RPIA: variants seen among roughly 807,000 people sequenced by gnomAD.
RPIA encodes the protein ribose-5-phosphate isomerase.
In RPIA, 29 loss-of-function variants were observed where a neutral mutation model predicts 37.8. The ratio of observed to expected loss-of-function variants is 0.77; its 90% CI spans 0.57 to 1.05. The LOEUF is 1.05. Among genes scored for constraint, RPIA ranks in the 50% least tolerant of loss-of-function variants. The pLI, the probability that RPIA is intolerant of heterozygous loss-of-function variation, is 0.00. For synonymous variants in RPIA, 167 were observed against 157.0 expected, an observed-to-expected ratio of 1.06 and a Z score of -0.48; for missense variants, 385 against 413.6, an observed-to-expected ratio of 0.93 and a Z score of 0.60.
At chr2:88,705,760 G>A (rs1468435938) in intron 3 of RPIA, among the ~76,000 whole-genome samples, 1 of 152,166 alleles carries the variant, frequency 6.6e-6, no homozygotes, top group Non-Finnish European at 1.5e-5. Context: ...TATCATCAGA[G>A]TGAACAGACA....
intron 8 of RPIA, among the ~76,000 whole-genome samples, chr2:88,741,960 T>C (rs1673388346): frequency 6.6e-6 from 1 of 152,208 alleles, no homozygotes; most frequent in Non-Finnish European, 1.5e-5. Flanking sequence ...TTAGTCCTTT[T>C]TCAGTTGTAT....
At position 88,750,926 on chromosome 2, in the gene RPIA, GC is replaced by G. The variant is rs1673497996; in HGVS notation, c.*850del. On this transcript the variant is annotated 3_prime_UTR_variant, in exon 9 of 9. Coordinates refer to ENST00000283646, the MANE Select transcript of RPIA (RefSeq NM_144563.3). ...GCAGGTTTAAATAAAACAGTGTGGT[GC>G]CATTTTGACTCTTTTGTCTTTATTG... The G allele has an allele frequency of 2.6e-6, 1 of 391,490 alleles. No individual in the cohort carries two copies. The allele number at this position is 391,490 out of a possible 1,614,324, so 24.3% of individuals were successfully genotyped here. A position where few individuals can be genotyped will look rare whatever the true frequency, so the allele number is the denominator to read the frequency against.
chr2:88,735,718 A>G lies in RPIA; in HGVS notation c.577A>G (p.Ile193Val). ...TGTGGCTGGCTATGCTAGTCGCTTC[A>G]TCGTGATCGCTGATTTCAGGTACAG... ...KIVAGYASRF[I>V]VIADFRKDSK... The change falls in exon 6 of 9, where the codon ATC becomes GTC. Residue 193 changes from isoleucine (I) to valine (V), a missense_variant. Ile to Val is a conservative substitution (Grantham distance 29). Around this residue, in one of 2 missense-constraint regions of RPIA, gnomAD observed 153 missense variants for 210.6 expected, o/e 0.73. Coordinates refer to ENST00000283646, the MANE Select transcript of RPIA (RefSeq NM_144563.3). The G allele has an allele frequency of 6.2e-7, 1 of 1,614,034 alleles. No individual in the cohort carries two copies. Among genetic ancestry groups the G allele is most frequent in the Non-Finnish European group, 8.5e-7 (1 of 1,179,952 alleles).
rs936777621 is a variant in RPIA at position 88,722,141 on chromosome 2, T to C, written c.403-7137T>C. On this transcript the variant is annotated intron_variant, in intron 3 of 8. Transcript: ENST00000283646. ...TTTCTCATACAAAATTATTTCTCTT[T>C]AAGCTTTTTCACCAAAAAAACCCTT... Among the ~76,000 whole-genome samples the C allele has an allele frequency of 9.2e-5, 14 of 151,568 alleles. No individual in the cohort carries two copies. The South Asian group carries it at 2.7e-3, about 29-fold the overall frequency.
intron 3 of RPIA, among the ~76,000 whole-genome samples, chr2:88,723,184 G>C (rs1329365147): frequency 6.6e-6 from 1 of 152,136 alleles, no homozygotes; most frequent in African/African-American, 2.4e-5. Context: ...TGATCACCGA[G>C]TGCTCTAATG....
intron 8 of RPIA, among the ~76,000 whole-genome samples, chr2:88,741,475 T>C (rs1389767019): frequency 2.6e-5 from 4 of 152,234 alleles, no homozygotes; most frequent in Admixed American, 2.6e-4. Context: ...ACTCATTGGT[T>C]GATAGGCATT....
intron 3 of RPIA, among the ~76,000 whole-genome samples, chr2:88,726,948 A>T (rs1258231879): frequency 6.6e-6 from 1 of 152,192 alleles, no homozygotes; most frequent in African/African-American, 2.4e-5. Context: ...CATGTTGGTC[A>T]GACTGGTCTT....
intron 8 of RPIA, among the ~76,000 whole-genome samples, chr2:88,746,187 T>A (rs1346113906): frequency 6.6e-6 from 1 of 152,220 alleles, no homozygotes; most frequent in East Asian, 1.9e-4. Context: ...AAATTTTCTT[T>A]AAGTTGGTTT....
chr2:88,722,173 T>A lies in RPIA; in HGVS notation c.403-7105T>A, dbSNP rs550987652. On this transcript the variant is annotated intron_variant, in intron 3 of 8. Coordinates refer to ENST00000283646, the MANE Select transcript of RPIA (RefSeq NM_144563.3). ...TTTCACCAAAAAAACCCTTTTTTTT[T>A]ATAGCTTTCTTTACATCTCTCTTAT... 4.5e-4 allele frequency among the ~76,000 whole-genome samples: 68 copies of A among 152,060 alleles called. 1 individual carries two copies. In the South Asian group the frequency reaches 0.011, roughly 25 times the overall value.
At chr2:88,706,446 C>T (rs1281193069) in intron 3 of RPIA, among the ~76,000 whole-genome samples, 1 of 151,324 alleles carries the variant, frequency 6.6e-6, no homozygotes, top group Non-Finnish European at 1.5e-5. Flanking sequence ...AGCAAACTAA[C>T]ACAGGAACGG....
chr2:88,712,969 A>C (rs534997792), intron 3 of RPIA, among the ~76,000 whole-genome samples: 123 of 151,456 alleles, frequency 8.1e-4, no homozygotes, highest in African/African-American at 3.0e-3. Flanking sequence ...CCCGTGTTCA[A>C]GTGATTCTCC....
intron 3 of RPIA, among the ~76,000 whole-genome samples, chr2:88,724,823 A>G (rs900984473): frequency 4.6e-5 from 7 of 152,248 alleles, no homozygotes; most frequent in African/African-American, 1.7e-4. Context: ...AACAGCATTT[A>G]TTGCTCACTC....
intron 7 of RPIA, among the ~76,000 whole-genome samples, chr2:88,737,331 C>T (rs1417408699): frequency 1.3e-5 from 2 of 152,132 alleles, no homozygotes; most frequent in African/African-American, 4.8e-5. Context: ...ATCTGTCACC[C>T]TACCCTGATA....
intron 1 of RPIA, among the ~76,000 whole-genome samples, chr2:88,695,873 G>A (rs1672734791): frequency 6.6e-6 from 1 of 152,054 alleles, no homozygotes; most frequent in Admixed American, 6.5e-5. Context: ...AGGTAGGAGA[G>A]GCTATAGTAG....
At chr2:88,698,755 C>T (rs150417880) in intron 2 of RPIA, among the ~76,000 whole-genome samples, 8 of 152,298 alleles carry the variant, frequency 5.3e-5, no homozygotes, top group Non-Finnish European at 7.4e-5. Context: ...CTTTGAAGGA[C>T]GCCCTTGCCT....
chr2:88,737,228 T>C (rs993469329), intron 7 of RPIA, among the ~76,000 whole-genome samples: 1 of 152,228 alleles, frequency 6.6e-6, no homozygotes, highest in African/African-American at 2.4e-5. Context: ...CCTCTTTTTA[T>C]ACTTAAGTAA....
chr2:88,728,101 C>G (rs1188366449), intron 3 of RPIA, among the ~76,000 whole-genome samples: 2 of 152,158 alleles, frequency 1.3e-5, no homozygotes, highest in East Asian at 1.9e-4. Context: ...TCATATGTCT[C>G]TCTGGAAAAT....
At chr2:88,746,109 A>G (rs1390210348) in intron 8 of RPIA, among the ~76,000 whole-genome samples, 1 of 151,562 alleles carries the variant, frequency 6.6e-6, no homozygotes, top group Non-Finnish European at 1.5e-5. Flanking sequence ...CATTTCTAAA[A>G]TGTGTCTTTC....
At chr2:88,695,173 T>C (rs553975959) in intron 1 of RPIA, among the ~76,000 whole-genome samples, 2 of 152,276 alleles carry the variant, frequency 1.3e-5, no homozygotes, top group East Asian at 3.9e-4. Context: ...CTTTATAAGC[T>C]GGTAAACATG....
Sources: allele counts gnomAD v4.1 joint callset (sites outside exome capture counted in the v4.1 genomes callset), GRCh38; gene constraint gnomAD v4.1.1; regional missense constraint gnomAD v4.1.1; transcripts MANE v1.5; gene names NCBI Gene and HGNC (gene_info 2026-07-23, HGNC 2026-07-21).